Variants in SEZ6L observed in about 807,000 individuals in gnomAD.
SEZ6L encodes the protein seizure related 6 homolog like, also known as seizure 6-like protein.
In SEZ6L, 37 loss-of-function variants were observed where a neutral mutation model predicts 106.2. That is an observed-to-expected ratio of 0.35 (90% CI 0.27 to 0.46). The LOEUF (loss-of-function observed/expected upper bound fraction) is 0.46. SEZ6L is among the 20% of genes least tolerant of loss of function. The pLI is 1.00. For synonymous variants in SEZ6L, 541 were observed against 570.4 expected, an observed-to-expected ratio of 0.95 and a Z score of 0.73; for missense variants, 1,172 against 1,332.8, an observed-to-expected ratio of 0.88 and a Z score of 1.88.
chr22:26,193,272 G>A (rs547561320), intron 1 of SEZ6L, among the ~76,000 whole-genome samples: 1 of 152,326 alleles, frequency 6.6e-6, no homozygotes, highest in South Asian at 2.1e-4. Flanking sequence ...AAAAATTCGT[G>A]TGAGACAAAT....
At chr22:26,189,836 G>A (rs551758351) in intron 1 of SEZ6L, among the ~76,000 whole-genome samples, 2 of 152,206 alleles carry the variant, frequency 1.3e-5, no homozygotes, top group South Asian at 2.1e-4. Flanking sequence ...GGTGGCTCAC[G>A]CCGGTAATCC....
chr22:26,213,011 C>A (rs1247575938), intron 1 of SEZ6L, among the ~76,000 whole-genome samples: 1 of 152,124 alleles, frequency 6.6e-6, no homozygotes, highest in Non-Finnish European at 1.5e-5. Context: ...TTATCAGAAC[C>A]AAAGCCCAGT....
intron 1 of SEZ6L, among the ~76,000 whole-genome samples, chr22:26,258,393 G>A (rs542275293): frequency 1.3e-5 from 2 of 152,264 alleles, no homozygotes; most frequent in Admixed American, 1.3e-4. Flanking sequence ...ATCCAAAAGG[G>A]CTTCCTGGAG....
rs138457383 is a variant in SEZ6L at position 26,363,377 on chromosome 22, C to T, written c.2600-1995C>T. The stretch of plus-strand genomic sequence containing the variant: ...CCAGGGATTATATCTGTTTTATTCA[C>T]CTCTGTGTCCTCAGTACTATTTATG... On this transcript the variant is annotated intron_variant, in intron 12 of 16. Transcript: ENST00000248933. Among the ~76,000 whole-genome samples the T allele has an allele frequency of 5.7e-3, 861 of 152,274 alleles. 2 individuals carry two copies. Among genetic ancestry groups the T allele is most frequent in the Non-Finnish European group, 9.6e-3 (655 of 68,020 alleles).
intron 8 of SEZ6L, 35 bp downstream of exon 8, chr22:26,311,997 C>T (rs762397694): frequency 2.5e-6 from 4 of 1,585,236 alleles, no homozygotes; most frequent in Middle Eastern, 1.9e-4. Context: ...CCACGGCACC[C>T]CAGGGATCTC....
At chr22:26,348,289 A>G (rs1028822847) in intron 11 of SEZ6L, among the ~76,000 whole-genome samples, 2 of 151,858 alleles carry the variant, frequency 1.3e-5, no homozygotes, top group Non-Finnish European at 1.5e-5. Context: ...TGAGCCCATG[A>G]GTTTGATAGC....
intron 12 of SEZ6L, among the ~76,000 whole-genome samples, chr22:26,359,177 C>T (rs1233692206): frequency 6.6e-6 from 1 of 152,154 alleles, no homozygotes; most frequent in East Asian, 1.9e-4. Flanking sequence ...AAATGCCTTC[C>T]AAGAGCTGGT....
intron 12 of SEZ6L, among the ~76,000 whole-genome samples, chr22:26,363,177 C>T (rs868109480): frequency 3.9e-5 from 6 of 152,168 alleles, no homozygotes; most frequent in African/African-American, 1.4e-4. Flanking sequence ...CAGAAGAATC[C>T]AGAAATCTAA....
intron 6 of SEZ6L, among the ~76,000 whole-genome samples, chr22:26,308,194 A>G (rs1035128949): frequency 6.6e-6 from 1 of 152,064 alleles, no homozygotes; most frequent in African/African-American, 2.4e-5. Context: ...GACTCTACAT[A>G]AGAAATGGGA....
At chr22:26,197,724 A>G (rs184661699) in intron 1 of SEZ6L, among the ~76,000 whole-genome samples, 64 of 152,254 alleles carry the variant, frequency 4.2e-4, no homozygotes, top group Admixed American at 8.5e-4. Context: ...TTTTTTTTCT[A>G]AATGGAACAC....
intron 9 of SEZ6L, 132 bp downstream of exon 9, chr22:26,314,034 G>C (rs2081925926): frequency 2.4e-6 from 2 of 828,110 alleles, no homozygotes; most frequent in Non-Finnish European, 3.9e-6. Flanking sequence ...GCAGAGAACA[G>C]GCATTCCCAT....
intron 6 of SEZ6L, among the ~76,000 whole-genome samples, chr22:26,309,937 G>A (rs1443234088): frequency 6.6e-6 from 1 of 152,124 alleles, no homozygotes; most frequent in Non-Finnish European, 1.5e-5. Context: ...GCTCAGAGAA[G>A]TGAAGTGTTC....
At chr22:26,278,697 A>T (rs2080637114) in intron 1 of SEZ6L, among the ~76,000 whole-genome samples, 1 of 151,972 alleles carries the variant, frequency 6.6e-6, no homozygotes, top group African/African-American at 2.4e-5. Context: ...TCTTTGGTGT[A>T]TTGTAACAAT....
At chr22:26,373,737 G>A (rs564235369) in intron 14 of SEZ6L, among the ~76,000 whole-genome samples, 2 of 152,286 alleles carry the variant, frequency 1.3e-5, no homozygotes, top group Admixed American at 1.3e-4. Context: ...GATAAGGAAA[G>A]CTCAGAGCCC....
At position 26,317,937 on chromosome 22, in the gene SEZ6L, T is replaced by G. The variant is rs560775212; in HGVS notation, c.2015+4035T>G. ...AAGGGTAGTTGCAAATCCAAAATCA[T>G]GAAGGGCCAGGCAACACAAATACCG... On this transcript the variant is annotated intron_variant, in intron 9 of 16. Coordinates refer to ENST00000248933, the MANE Select transcript of SEZ6L (RefSeq NM_021115.5). Among the ~76,000 whole-genome samples, 282 of 152,108 alleles carry G rather than the reference T, an allele frequency of 1.9e-3. 1 individual carries two copies. The highest frequency in any genetic ancestry group is 6.7e-3 in the African/African-American group (276 of 41,476).
In SEZ6L at chr22:26,377,693, T is replaced by A; in HGVS notation, c.2963T>A (p.Leu988His). The change falls in exon 16 of 17, where the codon CTC (leucine) becomes CAC (histidine). Residue 988 changes from leucine to histidine, a missense_variant. By Grantham distance (99) the Leu-to-His change is moderately conservative. Coordinates refer to ENST00000248933, the MANE Select transcript of SEZ6L (RefSeq NM_021115.5). ...YITRCRYYSNLRLPLMYSHPY... is the reference protein window; with the variant it reads ...YITRCRYYSNHRLPLMYSHPY... ...CCCAGATGTCGCTACTATTCCAACC[T>A]CCGCCTGCCTCTGATGTACTCCCAC... 2 of 1,613,156 alleles carry A rather than the reference T, an allele frequency of 1.2e-6. No individual in the cohort carries two copies. The highest frequency in any genetic ancestry group is 1.7e-6 in the Non-Finnish European group (2 of 1,179,554).
In SEZ6L at chr22:26,313,865, G is replaced by T. The variant is rs746384139; in HGVS notation, c.1978G>T (p.Val660Leu). Residue 660 changes from valine to leucine, a missense_variant, in exon 9 of 17, where the codon GTG becomes TTG. Physicochemically the swap from Val to Leu is conservative, Grantham distance 32 (BLOSUM62 1). Transcript: ENST00000248933. ...EGEDCIWKIH[V>L]GEEKRIFLDI... ...TGAAGATTGTATCTGGAAGATCCAC[G>T]TGGGAGAAGAGAAACGGATCTTCTT... 1 of 1,610,678 alleles carries T rather than the reference G, an allele frequency of 6.2e-7. No homozygotes were observed.
intron 10 of SEZ6L, among the ~76,000 whole-genome samples, chr22:26,342,897 C>T (rs143010413): frequency 1.2e-3 from 180 of 152,312 alleles, no homozygotes; most frequent in African/African-American, 4.2e-3. Context: ...AAGCCTCATG[C>T]GTGCCAAAGT....
chr22:26,356,625 G>A (rs1207010653), intron 12 of SEZ6L, among the ~76,000 whole-genome samples: 1 of 150,786 alleles, frequency 6.6e-6, no homozygotes, highest in Non-Finnish European at 1.5e-5. Flanking sequence ...CTGGGAGACA[G>A]AGCAAGATTC....
Sources: allele counts gnomAD v4.1 joint callset (sites outside exome capture counted in the v4.1 genomes callset), GRCh38; gene constraint gnomAD v4.1.1; transcripts MANE v1.5; gene names NCBI Gene and HGNC (gene_info 2026-07-23, HGNC 2026-07-21).